Variants in DNAH9 observed in about 807,000 individuals in gnomAD.
DNAH9 encodes the protein dynein axonemal heavy chain 9.
In DNAH9, 345 loss-of-function variants were observed where a neutral mutation model predicts 471.6. That is an observed-to-expected ratio of 0.73 (90% CI 0.67 to 0.80). DNAH9 has a LOEUF of 0.80. DNAH9 is among the 30% of genes least tolerant of loss of function. The probability of loss-of-function intolerance (pLI) is 0.00; values close to 1 mark genes in which losing one functional copy is unlikely to be tolerated. For missense variants in DNAH9, 5,407 were observed against 5,609.2 expected (o/e 0.96, Z 1.15); for synonymous variants, 2,093 against 2,123.6 (o/e 0.99, Z 0.40).
intron 35 of DNAH9, among the ~76,000 whole-genome samples, chr17:11,760,033 G>T (rs1967598511): frequency 6.6e-6 from 1 of 152,074 alleles, no homozygotes; most frequent in Admixed American, 6.6e-5. Flanking sequence ...TGTTGACCAG[G>T]CTGGTCTCAA....
At chr17:11,634,901 A>G (rs1353069359) in intron 8 of DNAH9, among the ~76,000 whole-genome samples, 1 of 151,602 alleles carries the variant, frequency 6.6e-6, no homozygotes, top group Non-Finnish European at 1.5e-5. Context: ...CACTCCCTCC[A>G]GGATTGGGAT....
At position 11,853,985 on chromosome 17, in the gene DNAH9, C is replaced by A; in HGVS notation, c.9508-18C>A. Reference sequence around the variant, plus strand: ...AGCCCATTCATGTTCCCCTAACCACCTCCTTCTCTTTTCCCAGACCAACCT... The same window carrying A: ...AGCCCATTCATGTTCCCCTAACCACATCCTTCTCTTTTCCCAGACCAACCT... On this transcript the variant is annotated intron_variant, in intron 49 of 68. Coordinates refer to ENST00000262442, the MANE Select transcript of DNAH9 (RefSeq NM_001372.4). The A allele has an allele frequency of 6.2e-7, 1 of 1,610,366 alleles. No individual in the cohort carries two copies. The highest frequency in any genetic ancestry group is 8.5e-7 in the Non-Finnish European group (1 of 1,177,704).
intron 22 of DNAH9, among the ~76,000 whole-genome samples, chr17:11,695,910 C>A (rs146220076): frequency 2.5e-4 from 38 of 152,288 alleles, no homozygotes; most frequent in Middle Eastern, 3.4e-3. Context: ...AATAGTTGGG[C>A]TCATTTGCTT....
intron 63 of DNAH9, among the ~76,000 whole-genome samples, 159 bp downstream of exon 63, chr17:11,930,252 A>G (rs371305808): frequency 5.9e-5 from 9 of 152,282 alleles, no homozygotes; most frequent in African/African-American, 1.9e-4. Flanking sequence ...ATGCCCACTC[A>G]GGGCAACCCC....
rs1386649476 is a variant in DNAH9 at position 11,757,559 on chromosome 17, A to G, written c.6862A>G (p.Asn2288Asp). The G allele has an allele frequency of 6.2e-7, 1 of 1,613,632 alleles. No individual in the cohort carries two copies. Among genetic ancestry groups the G allele is most frequent in the Admixed American group, 1.7e-5 (1 of 59,986 alleles). The change falls in exon 35 of 69, where the codon AAC (asparagine) becomes GAC (aspartate). Residue 2288 changes from asparagine (N) to aspartate (D), a missense_variant. Transcript: ENST00000262442. ...TGTGCTCACAGGGATCTTGTACATC[A>G]ACCCGGCAGACTTGGGATGGAACCC... ...TVSRAGILYI[N>D]PADLGWNPPV...
At chr17:11,895,254 C>G (rs1973184437) in intron 59 of DNAH9, among the ~76,000 whole-genome samples, 1 of 152,202 alleles carries the variant, frequency 6.6e-6, no homozygotes, top group Non-Finnish European at 1.5e-5. Flanking sequence ...GCAGGGAATG[C>G]TGGGTGAGGC....
intron 35 of DNAH9, 129 bp downstream of exon 35, chr17:11,757,821 C>A: frequency 2.0e-6 from 2 of 977,910 alleles, no homozygotes; most frequent in Non-Finnish European, 3.0e-6. Flanking sequence ...CTCCTCCAGG[C>A]ATGGCAGATG....
chr17:11,716,021 C>T (rs556393619), intron 26 of DNAH9, among the ~76,000 whole-genome samples: 1 of 152,050 alleles, frequency 6.6e-6, no homozygotes, highest in East Asian at 1.9e-4. Flanking sequence ...CTCAGTGGCC[C>T]AGGCGTCATG....
chr17:11,906,246 C>T (rs955137740), intron 61 of DNAH9, among the ~76,000 whole-genome samples: 4 of 152,206 alleles, frequency 2.6e-5, no homozygotes, highest in Non-Finnish European at 5.9e-5. Context: ...TAAAGATACC[C>T]GCATGTATAT....
chr17:11,831,406 G>A (rs2097349116), intron 48 of DNAH9, among the ~76,000 whole-genome samples: 1 of 152,090 alleles, frequency 6.6e-6, no homozygotes, highest in Non-Finnish European at 1.5e-5. Context: ...CTAATAAAGT[G>A]AGAACTCACT....
chr17:11,732,064 A>G (rs934361030), intron 28 of DNAH9, among the ~76,000 whole-genome samples: 2 of 152,182 alleles, frequency 1.3e-5, no homozygotes, highest in East Asian at 3.9e-4. Flanking sequence ...ACCTCGAGCT[A>G]TCTTATCAAG....
intron 18 of DNAH9, 120 bp from the exon 19 acceptor site, chr17:11,680,603 C>A: frequency 1.3e-6 from 1 of 793,746 alleles, no homozygotes. Flanking sequence ...AAGATGACAC[C>A]ACCACACCAT....
At chr17:11,629,780 G>T (rs191252259) in intron 7 of DNAH9, among the ~76,000 whole-genome samples, 196 bp downstream of exon 7, 23 of 152,288 alleles carry the variant, frequency 1.5e-4, no homozygotes, top group African/African-American at 5.3e-4. Flanking sequence ...ATTATTCTTT[G>T]TGTTGGGAGA....
rs1974763343 is a variant in DNAH9 at position 11,937,816 on chromosome 17, A to G, written c.12660+294A>G. 6.6e-6 allele frequency among the ~76,000 whole-genome samples: 1 copy of G among 152,208 alleles called. No individual in the cohort carries two copies. The highest frequency in any genetic ancestry group is 2.4e-5 in the African/African-American group (1 of 41,456). Reference sequence around the variant, plus strand: ...TCAGCTTCTCTGCCAAAGTGAAGAAAGGGCAGGGCTGAACAGTGGTGGCTT... The same window carrying G: ...TCAGCTTCTCTGCCAAAGTGAAGAAGGGGCAGGGCTGAACAGTGGTGGCTT... On this transcript the variant is annotated intron_variant, in intron 66 of 68. Transcript: ENST00000262442. This position sits in a 1 kb window ranked among gnomAD's most constrained non-coding sequence, Gnocchi z 4.1.
intron 6 of DNAH9, 176 bp downstream of exon 6, chr17:11,619,957 C>T (rs1567669184): frequency 1.0e-5 from 6 of 586,084 alleles, no homozygotes; most frequent in Non-Finnish European, 1.8e-5. Context: ...CCTGTAATCC[C>T]ACTAGCACTT....
At chr17:11,899,979 T>C (rs1973352000) in intron 59 of DNAH9, among the ~76,000 whole-genome samples, 2 of 152,014 alleles carry the variant, frequency 1.3e-5, no homozygotes. Context: ...AAGTTGCAAT[T>C]CAATAGCCAT....
intron 1 of DNAH9, among the ~76,000 whole-genome samples, chr17:11,600,716 A>C (rs541665593): frequency 1.3e-5 from 2 of 152,260 alleles, no homozygotes; most frequent in East Asian, 3.9e-4. Context: ...TCCTAGACTC[A>C]AGTGATCCTC....
At chr17:11,910,123 C>T (rs960812562) in intron 61 of DNAH9, among the ~76,000 whole-genome samples, 1 of 151,978 alleles carries the variant, frequency 6.6e-6, no homozygotes, top group Non-Finnish European at 1.5e-5. Flanking sequence ...GGCATGGTGG[C>T]GGGTGCCTGT....
In DNAH9 at chr17:11,632,704, G is replaced by T. The variant is rs1235625597; in HGVS notation, c.1635+1G>T. On this transcript the variant is annotated splice_donor_variant, in intron 8 of 68. Coordinates refer to ENST00000262442, the MANE Select transcript of DNAH9 (RefSeq NM_001372.4). LOFTEE classifies it high-confidence loss of function. Reference sequence around the variant, plus strand: ...ACCTGGCTTGGAGCATGCCTTTAAGGTTTGTGTAAATGGGGCAGGAGCCAC... The same window carrying T: ...ACCTGGCTTGGAGCATGCCTTTAAGTTTTGTGTAAATGGGGCAGGAGCCAC... The T allele has an allele frequency of 6.5e-7, 1 of 1,532,866 alleles. No individual in the cohort carries two copies. Among genetic ancestry groups the T allele is most frequent in the African/African-American group, 1.4e-5 (1 of 73,412 alleles). The allele number at this position is 1,532,866 out of a possible 1,614,324, so 95.0% of individuals were successfully genotyped here. A position where few individuals can be genotyped will look rare whatever the true frequency, so the allele number is the denominator to read the frequency against.
Sources: allele counts gnomAD v4.1 joint callset (sites outside exome capture counted in the v4.1 genomes callset), GRCh38; gene constraint gnomAD v4.1.1; non-coding constraint Gnocchi (gnomAD v3.1); transcripts MANE v1.5; gene names NCBI Gene and HGNC (gene_info 2026-07-23, HGNC 2026-07-21).